TFAP2D: variants seen among roughly 807,000 people sequenced by gnomAD.
TFAP2D encodes the protein transcription factor AP-2 delta, also known as transcription factor AP-2-delta.
Under a neutral mutation model 43.6 loss-of-function variants are expected in TFAP2D, and 9 were observed. The ratio of observed to expected loss-of-function variants is 0.21; its 90% CI spans 0.12 to 0.36. The LOEUF (loss-of-function observed/expected upper bound fraction) is 0.36. Among genes scored for constraint, TFAP2D ranks in the 10% least tolerant of loss-of-function variants. TFAP2D has a pLI of 1.00. For missense variants in TFAP2D, 513 were observed against 561.4 expected (o/e 0.91, Z 0.87); for synonymous variants, 256 against 224.9 (o/e 1.14, Z -1.24).
At chr6:50,758,281 T>G (rs1769317743) in intron 7 of TFAP2D, among the ~76,000 whole-genome samples, 1 of 151,876 alleles carries the variant, frequency 6.6e-6, no homozygotes, top group Admixed American at 6.6e-5. Flanking sequence ...CATTTCCTAC[T>G]CTCCTTCAAT....
rs912655012 is a variant in TFAP2D at position 50,759,747 on chromosome 6, T to C, written c.1139+8423T>C. Among the ~76,000 whole-genome samples, 35 of 152,186 alleles carry C rather than the reference T, an allele frequency of 2.3e-4. No homozygotes were observed. The East Asian group carries it at 6.0e-3, about 26-fold the overall frequency. On this transcript the variant is annotated intron_variant, in intron 7 of 7. Coordinates refer to ENST00000008391, the MANE Select transcript of TFAP2D (RefSeq NM_172238.4). ...ATTGATTGTAGTCTCTTCTAATGTATGTGCAATGATTTTTATTTTAGCCTG... is the reference window on the plus strand; with the variant it reads ...ATTGATTGTAGTCTCTTCTAATGTACGTGCAATGATTTTTATTTTAGCCTG...
intron 5 of TFAP2D, among the ~76,000 whole-genome samples, chr6:50,729,764 A>G (rs1427629264): frequency 4.6e-5 from 7 of 152,140 alleles, no homozygotes; most frequent in Admixed American, 4.6e-4. Flanking sequence ...TATTGTATTA[A>G]TCCTAGTAGA....
rs183411345 is a variant in TFAP2D, at chr6:50,768,382, G to A, written c.1140-4263G>A. 1.4e-3 allele frequency among the ~76,000 whole-genome samples: 202 copies of A among 141,974 alleles called. 1 individual carries two copies. The highest frequency in any genetic ancestry group is 2.3e-3 in the Non-Finnish European group (151 of 66,636). 93.1% of individuals were successfully genotyped at this position (141,974 alleles called of 152,430 possible). On this transcript the variant is annotated intron_variant, in intron 7 of 7. Coordinates refer to ENST00000008391, the MANE Select transcript of TFAP2D (RefSeq NM_172238.4). The stretch of plus-strand genomic sequence containing the variant: ...AGAGACTTGCTTTGTTGCCCAGCCT[G>A]GAGTGCAATGGTGCAATCGTAGCTC...
intron 7 of TFAP2D, among the ~76,000 whole-genome samples, chr6:50,769,345 A>G (rs1432326136): frequency 6.6e-6 from 1 of 152,330 alleles, no homozygotes. Flanking sequence ...AGGCTAAATA[A>G]CTTCCTCCAA....
intron 6 of TFAP2D, among the ~76,000 whole-genome samples, chr6:50,748,065 A>G (rs1204356131): frequency 6.6e-6 from 1 of 151,958 alleles, no homozygotes; most frequent in African/African-American, 2.4e-5. Flanking sequence ...ATAATTTTTT[A>G]TTTTTGTTAC....
chr6:50,760,896 T>A (rs1769353289), intron 7 of TFAP2D, among the ~76,000 whole-genome samples: 1 of 150,988 alleles, frequency 6.6e-6, no homozygotes, highest in Admixed American at 6.7e-5. Flanking sequence ...TTGTTGAGGG[T>A]CTGTTCCCCA....
At position 50,772,656 on chromosome 6, in the gene TFAP2D, A is replaced by G. The variant is rs759025925; in HGVS notation, c.1151A>G (p.His384Arg). 3.7e-6 allele frequency: 6 copies of G among 1,614,040 alleles called. No individual in the cohort carries two copies. Among genetic ancestry groups the G allele is most frequent in the Non-Finnish European group, 5.1e-6 (6 of 1,179,952 alleles). ...RHLTHFSLIT[H>R]GFGTPAICAA... ...CTTCTCATTTCCAGTTTGATCACTC[A>G]TGGCTTTGGGACTCCGGCAATATGT... Residue 384 changes from histidine (H) to arginine (R), a missense_variant, in exon 8 of 8, where the codon CAT becomes CGT. Physicochemically the swap from His to Arg is conservative, Grantham distance 29. This residue lies in a region of TFAP2D where 199 missense variants were observed against 227.9 expected (regional missense o/e 0.87). Transcript: ENST00000008391.
chr6:50,772,841 G>A lies in TFAP2D; in HGVS notation c.1336G>A (p.Gly446Ser), dbSNP rs1162896510. 6 of 1,613,652 alleles carry A rather than the reference G, an allele frequency of 3.7e-6. No homozygotes were observed. The highest frequency in any genetic ancestry group is 1.7e-5 in the Admixed American group (1 of 59,956). Residue 446 changes from glycine (G) to serine (S), a missense_variant, in exon 8 of 8, where the codon GGC becomes AGC. By Grantham distance (56) the Gly-to-Ser change is moderately conservative. Coordinates refer to ENST00000008391, the MANE Select transcript of TFAP2D (RefSeq NM_172238.4). ...AACTTCAGAGGCTGCCGTGAAAGAG[G>A]GCAAAACAGAAAAGACAGACTAGCT... ...RKTSEAAVKEGKTEKTD is the reference protein window; with the variant it reads ...RKTSEAAVKESKTEKTD
chr6:50,728,363 A>T (rs1768837584), intron 3 of TFAP2D, among the ~76,000 whole-genome samples: 1 of 152,256 alleles, frequency 6.6e-6, no homozygotes, highest in East Asian at 1.9e-4. Context: ...TTTTGCCTTT[A>T]ATTGGCAGAT....
At chr6:50,756,983 G>C (rs994265007) in intron 7 of TFAP2D, among the ~76,000 whole-genome samples, 1 of 151,742 alleles carries the variant, frequency 6.6e-6, no homozygotes, top group Non-Finnish European at 1.5e-5. Context: ...TAATCTCCTT[G>C]AATCTGAAGT....
intron 6 of TFAP2D, among the ~76,000 whole-genome samples, chr6:50,750,609 C>A (rs115191138): frequency 0.011 from 1,692 of 151,916 alleles, 24 homozygotes; most frequent in African/African-American, 0.038. Context: ...AGAAATGCAG[C>A]AGAAAAGTTA....
intron 5 of TFAP2D, among the ~76,000 whole-genome samples, chr6:50,742,994 C>CACACACACACACACACAT (rs957070816): frequency 1.2e-3 from 172 of 147,544 alleles, no homozygotes; most frequent in Non-Finnish European, 2.1e-3. Context: ...CACACACACA[C>CACACACACACACACACAT]ATCTTTGTGC....
chr6:50,731,324 G>A (rs1045235335), intron 5 of TFAP2D, among the ~76,000 whole-genome samples: 4 of 152,116 alleles, frequency 2.6e-5, no homozygotes, highest in Non-Finnish European at 4.4e-5. Flanking sequence ...AGGATGTAGA[G>A]AAATAAATCT....
chr6:50,765,522 C>A (rs1326608659), intron 7 of TFAP2D, among the ~76,000 whole-genome samples: 2 of 152,164 alleles, frequency 1.3e-5, no homozygotes, highest in African/African-American at 2.4e-5. Context: ...CCCTCACCAC[C>A]ACTTATTTCT....
intron 5 of TFAP2D, among the ~76,000 whole-genome samples, chr6:50,735,441 C>T (rs1328487016): frequency 6.6e-6 from 1 of 152,118 alleles, no homozygotes; most frequent in African/African-American, 2.4e-5. Flanking sequence ...GTTTCTTGAA[C>T]TTTCTTATGT....
At chr6:50,753,612 A>G (rs60719053) in intron 7 of TFAP2D, among the ~76,000 whole-genome samples, 40,095 of 136,396 alleles carry the variant, frequency 0.29, 5,696 homozygotes, top group East Asian at 0.52. Context: ...AGTGAAAAAG[A>G]AAGTGAGATT....
In TFAP2D at chr6:50,772,783, A is replaced by T. The variant is rs1769549131; in HGVS notation, c.1278A>T (p.Gly426=). 1 of 1,614,016 alleles carries T rather than the reference A, an allele frequency of 6.2e-7. No individual in the cohort carries two copies. Among genetic ancestry groups the T allele is most frequent in the Non-Finnish European group, 8.5e-7 (1 of 1,180,026 alleles). The part of the protein sequence containing the change: ...KNGGAADSGQ[G]HANSEKAPLR... ...GCGGAGCGGCGGATTCTGGCCAAGG[A>T]CATGCCAACTCGGAGAAAGCTCCCC... The change falls in exon 8 of 8, where the codon GGA becomes GGT. Residue 426 remains glycine (G), a synonymous_variant. Coordinates refer to ENST00000008391, the MANE Select transcript of TFAP2D (RefSeq NM_172238.4).
chr6:50,719,038 C>A lies in TFAP2D; in HGVS notation c.538-52C>A. The A allele has an allele frequency of 1.9e-6, 3 of 1,557,138 alleles. No individual in the cohort carries two copies. The South Asian group carries it at 3.4e-5, about 18-fold the overall frequency. On this transcript the variant is annotated intron_variant, in intron 2 of 7. Coordinates refer to ENST00000008391, the MANE Select transcript of TFAP2D (RefSeq NM_172238.4). The stretch of plus-strand genomic sequence containing the variant: ...GTCTAAAAGACTTTACCTACGTGGT[C>A]ATGCATATGAGTATCCATTTAAGTA...
At chr6:50,733,295 T>C (rs529949146) in intron 5 of TFAP2D, among the ~76,000 whole-genome samples, 118 of 152,246 alleles carry the variant, frequency 7.8e-4, no homozygotes, top group African/African-American at 2.6e-3. Flanking sequence ...CTAAGTGGTT[T>C]AAATCTATAG....
Sources: gnomAD v4.1 joint callset for allele counts (sites outside exome capture counted in the v4.1 genomes callset) on GRCh38, gnomAD v4.1.1 for gene constraint, gnomAD v4.1.1 regional missense constraint, MANE v1.5 for transcripts, NCBI Gene and HGNC (gene_info 2026-07-23, HGNC 2026-07-21) for gene names.